Variants in ARHGAP31 observed in about 807,000 individuals in gnomAD.
The protein encoded by ARHGAP31 is rho GTPase-activating protein 31.
In ARHGAP31, 34 loss-of-function variants were observed where a neutral mutation model predicts 113.9. That is an observed-to-expected ratio of 0.30 (90% CI 0.23 to 0.40). The LOEUF is 0.40. Among genes scored for constraint, ARHGAP31 ranks in the 10% least tolerant of loss-of-function variants. The pLI is 1.00. For synonymous variants in ARHGAP31, 650 were observed against 684.8 expected (o/e 0.95, Z 0.79); for missense variants, 1,548 against 1,767.1 (o/e 0.88, Z 2.22).
intron 1 of ARHGAP31, among the ~76,000 whole-genome samples, chr3:119,297,908 A>AC (rs1357178506): frequency 5.0e-5 from 6 of 121,180 alleles, no homozygotes; most frequent in Admixed American, 3.4e-4. Flanking sequence ...CTTTCCTTAG[A>AC]AACACACACA....
At chr3:119,407,363 G>GAAAGAAAAAAAAAATAAAGAAAA (rs2080672507) in intron 10 of ARHGAP31, among the ~76,000 whole-genome samples, 1 of 131,004 alleles carries the variant, frequency 7.6e-6, no homozygotes, top group Non-Finnish European at 1.7e-5. Flanking sequence ...AAAAAAGAAA[G>GAAAGAAAAAAAAAATAAAGAAAA]AAAGAAAAAA....
At chr3:119,337,443 G>A (rs774861625) in intron 1 of ARHGAP31, among the ~76,000 whole-genome samples, 5 of 152,192 alleles carry the variant, frequency 3.3e-5, no homozygotes, top group East Asian at 1.9e-4. Flanking sequence ...CAGACCCAAA[G>A]AGTGACCAGC....
At chr3:119,325,971 A>T (rs2079839480) in intron 1 of ARHGAP31, among the ~76,000 whole-genome samples, 1 of 152,140 alleles carries the variant, frequency 6.6e-6, no homozygotes, top group Non-Finnish European at 1.5e-5. Flanking sequence ...CGGGTGGATC[A>T]CCTAGGGTCA....
In ARHGAP31 at chr3:119,414,332, G is replaced by C. The variant is rs769045850; in HGVS notation, c.2403G>C (p.Lys801Asn). ...AGTCAACTCCAGTCCTGCTTTCAAA[G>C]GGCGGCCCGGAAAGAGAAGACTCAT... ...LEESTPVLLSKGGPEREDSSR... is the reference protein window; with the variant it reads ...LEESTPVLLSNGGPEREDSSR... Residue 801 changes from lysine (K) to asparagine (N), a missense_variant, in exon 12 of 12, where the codon AAG (lysine) becomes AAC (asparagine). Coordinates refer to ENST00000264245, the MANE Select transcript of ARHGAP31 (RefSeq NM_020754.4). 1 of 1,614,084 alleles carries C rather than the reference G, an allele frequency of 6.2e-7. No individual in the cohort carries two copies. The highest frequency in any genetic ancestry group is 8.5e-7 in the Non-Finnish European group (1 of 1,180,044).
chr3:119,412,572 G>T (rs1275898953), intron 11 of ARHGAP31, among the ~76,000 whole-genome samples: 1 of 152,184 alleles, frequency 6.6e-6, no homozygotes, highest in Non-Finnish European at 1.5e-5. Context: ...AGGTGGAGGA[G>T]TAGGCAGTTC....
At chr3:119,328,840 C>T (rs1257094661) in intron 1 of ARHGAP31, among the ~76,000 whole-genome samples, 1 of 152,136 alleles carries the variant, frequency 6.6e-6, no homozygotes, top group Non-Finnish European at 1.5e-5. Flanking sequence ...TGGGATTTCA[C>T]CTTGTTGGCC....
intron 1 of ARHGAP31, among the ~76,000 whole-genome samples, chr3:119,358,912 G>C (rs2080181760): frequency 1.3e-5 from 2 of 152,114 alleles, no homozygotes; most frequent in Non-Finnish European, 2.9e-5. Context: ...TGGAATTAAT[G>C]TGATGATTGC....
intron 10 of ARHGAP31, among the ~76,000 whole-genome samples, chr3:119,406,643 C>T (rs1019086654): frequency 6.6e-6 from 1 of 152,300 alleles, no homozygotes; most frequent in Admixed American, 6.5e-5. Flanking sequence ...TGAAAGGCAC[C>T]TATCTCAGAT....
chr3:119,408,251 T>C (rs986522950), intron 10 of ARHGAP31, among the ~76,000 whole-genome samples: 4 of 152,260 alleles, frequency 2.6e-5, no homozygotes, highest in Admixed American at 6.5e-5. Flanking sequence ...TTTTAACTTT[T>C]GAACTCTGTA....
intron 3 of ARHGAP31, among the ~76,000 whole-genome samples, chr3:119,376,631 G>A (rs962975989): frequency 1.3e-5 from 2 of 151,930 alleles, no homozygotes; most frequent in Non-Finnish European, 2.9e-5. Context: ...CTGTTCAAAT[G>A]TCACCTCCTA....
At chr3:119,315,724 G>A (rs879915602) in intron 1 of ARHGAP31, among the ~76,000 whole-genome samples, 9 of 152,216 alleles carry the variant, frequency 5.9e-5, no homozygotes, top group Non-Finnish European at 8.8e-5. Context: ...TGGTGCAAAA[G>A]GGGAGCTAGC....
chr3:119,357,563 A>G (rs1385353000), intron 1 of ARHGAP31, among the ~76,000 whole-genome samples: 3 of 152,254 alleles, frequency 2.0e-5, no homozygotes, highest in African/African-American at 7.2e-5. Flanking sequence ...TGTAGGAACT[A>G]AAGAGAAAAC....
chr3:119,391,589 A>ACC (rs368549202), intron 7 of ARHGAP31, among the ~76,000 whole-genome samples: 44 of 103,850 alleles, frequency 4.2e-4, no homozygotes, highest in East Asian at 1.2e-3. Context: ...CTGGGTCTCT[A>ACC]CCCCCCCCTC....
intron 1 of ARHGAP31, chr3:119,329,784 G>T: frequency 1.0e-6 from 1 of 985,112 alleles, no homozygotes; most frequent in Non-Finnish European, 1.2e-6. Flanking sequence ...CCCAGTGAAA[G>T]GACAGACTGT....
intron 1 of ARHGAP31, among the ~76,000 whole-genome samples, chr3:119,317,106 T>TA (rs1481110419): frequency 6.6e-6 from 1 of 152,202 alleles, no homozygotes; most frequent in African/African-American, 2.4e-5. Flanking sequence ...TTTTGTTTGA[T>TA]AAAAAATGCT....
intron 1 of ARHGAP31, among the ~76,000 whole-genome samples, chr3:119,297,909 A>AACACACACACACACACACACACAC (rs10575145): frequency 4.8e-4 from 68 of 142,780 alleles, no homozygotes; most frequent in African/African-American, 1.7e-3. Flanking sequence ...TTTCCTTAGA[A>AACACACACACACACACACACACAC]ACACACACAC....
At chr3:119,360,617 C>G (rs1354721389) in intron 1 of ARHGAP31, among the ~76,000 whole-genome samples, 4 of 152,054 alleles carry the variant, frequency 2.6e-5, no homozygotes. Flanking sequence ...GGAAAACATG[C>G]CATGTTATTT....
Position 119,294,949 on chromosome 3 carries a change from C to A in ARHGAP31, c.45C>A (p.Ala15=), listed in dbSNP as rs1277775627. The change falls in exon 1 of 12, where the codon GCC becomes GCA. Residue 15 remains alanine (A), a synonymous_variant. Coordinates refer to ENST00000264245, the MANE Select transcript of ARHGAP31 (RefSeq NM_020754.4). The part of the protein sequence containing the change: ...GAKQKLKRKG[A]ASAFGCDLTE... ...AGCAGAAGCTGAAACGAAAGGGAGC[C>A]GCCAGCGCGTTTGGCTGTGACCTGA... The A allele has an allele frequency of 6.2e-7, 1 of 1,614,100 alleles. No individual in the cohort carries two copies. Among genetic ancestry groups the A allele is most frequent in the Non-Finnish European group, 8.5e-7 (1 of 1,180,018 alleles).
At position 119,416,853 on chromosome 3, in the gene ARHGAP31, A is replaced by G; in HGVS notation, c.*589A>G. The G allele has an allele frequency of 6.1e-6, 1 of 163,014 alleles. No homozygotes were observed. Among genetic ancestry groups the G allele is most frequent in the South Asian group, 1.7e-4 (1 of 5,976 alleles). The allele number at this position is 163,014 out of a possible 1,614,324, so 10.1% of individuals were successfully genotyped here. On this transcript the variant is annotated 3_prime_UTR_variant, in exon 12 of 12. Transcript: ENST00000264245. ...CAAGTGGGTGAGCTTAGCCACTCTT[A>G]CCCATGCTCTTTCCCTGGAATCCCT...
Sources: allele counts gnomAD v4.1 joint callset (sites outside exome capture counted in the v4.1 genomes callset), GRCh38; gene constraint gnomAD v4.1.1; transcripts MANE v1.5; gene names NCBI Gene and HGNC (gene_info 2026-07-23, HGNC 2026-07-21).